CDH13: variants seen among roughly 807,000 people sequenced by gnomAD.
CDH13 encodes cadherin 13, also known as cadherin-13.
In CDH13, 24 loss-of-function variants were observed where a neutral mutation model predicts 63.8. The ratio of observed to expected loss-of-function variants is 0.38; its 90% confidence interval spans 0.27 to 0.53. CDH13 has a LOEUF of 0.53. Ranked by LOEUF, CDH13 falls within the 20% of genes least tolerant of loss-of-function variation. CDH13 has a pLI of 0.85. For missense variants in CDH13, 1,049 were observed against 903.1 expected (o/e 1.16, Z -2.07); for synonymous variants, 503 against 355.3 (o/e 1.42, Z -4.67).
intron 6 of CDH13, among the ~76,000 whole-genome samples, chr16:83,479,581 C>A: frequency 6.6e-6 from 1 of 151,940 alleles, no homozygotes; most frequent in Non-Finnish European, 1.5e-5. Context: ...GGCATGAACC[C>A]GGGAGGCGGA....
At chr16:83,405,999 T>C (rs1023714783) in intron 6 of CDH13, among the ~76,000 whole-genome samples, 1 of 152,186 alleles carries the variant, frequency 6.6e-6, no homozygotes, top group Non-Finnish European at 1.5e-5. Context: ...TGCAGCTGCA[T>C]TGGGCACTCC....
intron 5 of CDH13, among the ~76,000 whole-genome samples, chr16:83,227,551 G>C (rs79874733): frequency 6.6e-6 from 1 of 152,164 alleles, no homozygotes; most frequent in East Asian, 1.9e-4. Flanking sequence ...GCCAACCTCC[G>C]TGTTACCCAT....
chr16:83,771,976 A>G (rs1224869165), intron 11 of CDH13, among the ~76,000 whole-genome samples: 3 of 152,212 alleles, frequency 2.0e-5, no homozygotes, highest in Non-Finnish European at 2.9e-5. Flanking sequence ...ACACAAGAGA[A>G]AAGAGATTCC....
intron 2 of CDH13, among the ~76,000 whole-genome samples, chr16:82,997,422 C>G (rs888026316): frequency 2.6e-5 from 4 of 151,934 alleles, no homozygotes; most frequent in African/African-American, 9.7e-5. Context: ...TACGAAAAAT[C>G]TCAGTAATTA....
chr16:83,711,717 A>G (rs1278891126), intron 10 of CDH13, among the ~76,000 whole-genome samples: 1 of 152,130 alleles, frequency 6.6e-6, no homozygotes, highest in South Asian at 2.1e-4. Flanking sequence ...GGATTTCACC[A>G]TGTTGGCCAG....
intron 2 of CDH13, among the ~76,000 whole-genome samples, chr16:82,925,650 A>G (rs1028179348): frequency 4.6e-5 from 7 of 152,222 alleles, no homozygotes; most frequent in African/African-American, 1.7e-4. Context: ...ACCAACATGT[A>G]GACATGATAT....
chr16:82,864,635 A>G (rs1194666241), intron 2 of CDH13, among the ~76,000 whole-genome samples: 1 of 152,154 alleles, frequency 6.6e-6, no homozygotes, highest in Non-Finnish European at 1.5e-5. Flanking sequence ...CACCCCCTTG[A>G]AACGTGAGGA....
intron 1 of CDH13, among the ~76,000 whole-genome samples, chr16:82,788,832 G>A (rs1322192741): frequency 3.9e-5 from 6 of 152,188 alleles, no homozygotes; most frequent in South Asian, 2.1e-4. Flanking sequence ...AAGCAGGAAT[G>A]GGTAGCATAA....
chr16:83,088,793 G>A (rs1411014310), intron 3 of CDH13, among the ~76,000 whole-genome samples: 2 of 152,030 alleles, frequency 1.3e-5, no homozygotes, highest in African/African-American at 4.8e-5. Flanking sequence ...AATTTTTTTT[G>A]CCAGCATTTA....
chr16:83,043,035 A>G (rs911166446), intron 3 of CDH13, among the ~76,000 whole-genome samples: 2 of 152,212 alleles, frequency 1.3e-5, no homozygotes, highest in African/African-American at 2.4e-5. Flanking sequence ...TAAAGTGGAG[A>G]AAATATATAG....
intron 7 of CDH13, among the ~76,000 whole-genome samples, chr16:83,511,100 A>ACGTG (rs1555564273): frequency 8.7e-6 from 1 of 114,410 alleles, no homozygotes; most frequent in Non-Finnish European, 1.8e-5. Flanking sequence ...ACACATGCAC[A>ACGTG]CATGCACGCA....
chr16:83,249,047 A>T (rs1328319099), intron 5 of CDH13, among the ~76,000 whole-genome samples: 1 of 152,212 alleles, frequency 6.6e-6, no homozygotes, highest in East Asian at 1.9e-4. Flanking sequence ...GCAGTCTCTT[A>T]TCTGACTCTC....
chr16:83,260,386 G>A (rs1906840470), intron 5 of CDH13, among the ~76,000 whole-genome samples: 1 of 152,104 alleles, frequency 6.6e-6, no homozygotes, highest in African/African-American at 2.4e-5. Flanking sequence ...CCAGTGTTCT[G>A]GAAAGAATTA....
At chr16:83,646,391 T>A (rs563137500) in intron 8 of CDH13, among the ~76,000 whole-genome samples, 124 of 152,262 alleles carry the variant, frequency 8.1e-4, no homozygotes, top group African/African-American at 2.8e-3. Flanking sequence ...TCTGCAGGGC[T>A]CAACTTTCTT....
chr16:82,688,485 T>A lies in CDH13; in HGVS notation c.45+61348T>A, dbSNP rs144063677. Among the ~76,000 whole-genome samples, 295 of 152,334 alleles carry A rather than the reference T, an allele frequency of 1.9e-3. 3 individuals are homozygous for A. The highest frequency in any genetic ancestry group is 6.8e-3 in the African/African-American group (284 of 41,572). ...TCACCATTCAAGACTCTGAAGTCTA[T>A]CAAAGCAGAATTCATGTTCTCTGGT... On this transcript the variant is annotated intron_variant, in intron 1 of 13. Coordinates refer to ENST00000567109, the MANE Select transcript of CDH13 (RefSeq NM_001257.5).
At chr16:82,848,955 C>T (rs1379085664) in intron 1 of CDH13, among the ~76,000 whole-genome samples, 1 of 152,152 alleles carries the variant, frequency 6.6e-6, no homozygotes, top group East Asian at 1.9e-4. Flanking sequence ...ACTAAAGGTG[C>T]TACTCCACTG....
chr16:83,198,700 G>A (rs1053604128), intron 4 of CDH13, among the ~76,000 whole-genome samples: 2 of 152,088 alleles, frequency 1.3e-5, no homozygotes, highest in South Asian at 2.1e-4. Flanking sequence ...TGGTAGAAAC[G>A]GAATAAATAT....
chr16:83,307,379 G>T (rs2089904981), intron 5 of CDH13, among the ~76,000 whole-genome samples: 1 of 152,172 alleles, frequency 6.6e-6, no homozygotes. Flanking sequence ...CTGAGCTCCA[G>T]GCAGTGCTAC....
chr16:82,987,565 C>G (rs1411902370), intron 2 of CDH13, among the ~76,000 whole-genome samples: 1 of 152,138 alleles, frequency 6.6e-6, no homozygotes, highest in Non-Finnish European at 1.5e-5. Flanking sequence ...TTAGTAGAGA[C>G]TGAGTTTCAC....
Sources: gnomAD v4.1 joint callset for allele counts (sites outside exome capture counted in the v4.1 genomes callset) on GRCh38, gnomAD v4.1.1 for gene constraint, MANE v1.5 for transcripts, NCBI Gene and HGNC (gene_info 2026-07-23, HGNC 2026-07-21) for gene names.